LAMA2: variants seen among roughly 807,000 people sequenced by gnomAD.
LAMA2 encodes laminin subunit alpha 2, also known as laminin subunit alpha-2.
A neutral mutation model predicts 364.8 loss-of-function variants in LAMA2; 269 were observed. That is an observed-to-expected ratio of 0.74 (90% confidence interval 0.67 to 0.82). LAMA2 has a LOEUF of 0.82. LAMA2 is among the 40% of genes least tolerant of loss of function. The pLI, the probability that LAMA2 is intolerant of heterozygous loss-of-function variation, is 0.00. For missense variants in LAMA2, 3,807 were observed against 3,873.2 expected, an observed-to-expected ratio of 0.98 and a Z score of 0.45; for synonymous variants, 1,379 against 1,370.6, an observed-to-expected ratio of 1.01 and a Z score of -0.14.
Position 129,270,695 on chromosome 6 carries a change from A to G in LAMA2, c.2394A>G (p.Lys798=), listed in dbSNP as rs1787870404. ...CTGGTTTCTATGGCGAGCCTACTAA[A>G]GGAACCTCTGAAGACTGTCAACCCT... ...CLPGFYGEPT[K]GTSEDCQPCA... is the part of the protein sequence containing the mutation. The change falls in exon 17 of 65, where the codon AAA becomes AAG. Residue 798 remains lysine, a synonymous_variant. Coordinates refer to ENST00000421865, the MANE Select transcript of LAMA2 (RefSeq NM_000426.4). 3 of 1,613,144 alleles carry G rather than the reference A, an allele frequency of 1.9e-6. No homozygotes were observed. The highest frequency in any genetic ancestry group is 2.5e-6 in the Non-Finnish European group (3 of 1,179,490).
chr6:129,004,406 TAAAAAAAAAAAAAA>T (rs61244248), intron 1 of LAMA2, among the ~76,000 whole-genome samples: 2 of 53,766 alleles, frequency 3.7e-5, no homozygotes, highest in East Asian at 6.1e-4. Flanking sequence ...AGTATAATAA[TAAAAAAAAAAAAAA>T]AAAAAAAAAA....
intron 12 of LAMA2, among the ~76,000 whole-genome samples, chr6:129,207,093 C>T (rs960465193): frequency 1.4e-4 from 21 of 152,300 alleles, no homozygotes; most frequent in African/African-American, 4.8e-4. Flanking sequence ...GTGACAGCCA[C>T]AGGAGCAGAG....
intron 32 of LAMA2, among the ~76,000 whole-genome samples, chr6:129,359,359 G>A (rs369302757): frequency 4.0e-5 from 6 of 150,418 alleles, no homozygotes; most frequent in Non-Finnish European, 8.9e-5. Flanking sequence ...ATCGTTACTT[G>A]GTATGTCGAC....
chr6:129,190,068 A>T, intron 10 of LAMA2, 137 bp from the exon 11 acceptor site: 1 of 867,778 alleles, frequency 1.2e-6, no homozygotes. Context: ...CAGATTTTTA[A>T]AAATATCATT....
chr6:129,005,920 G>A (rs1038249680), intron 1 of LAMA2, among the ~76,000 whole-genome samples: 1 of 150,888 alleles, frequency 6.6e-6, no homozygotes, highest in Non-Finnish European at 1.5e-5. Flanking sequence ...TTTTTGTTTG[G>A]GTAATTAATA....
At chr6:129,376,938 A>G (rs1483094599) in intron 34 of LAMA2, among the ~76,000 whole-genome samples, 3 of 152,200 alleles carry the variant, frequency 2.0e-5, no homozygotes, top group Non-Finnish European at 4.4e-5. Flanking sequence ...CCAATATTGT[A>G]CACATAATAG....
chr6:129,404,019 T>C lies in LAMA2; in HGVS notation c.5865+60T>C, dbSNP rs112684263. 1.5e-3 allele frequency: 2,325 copies of C among 1,580,826 alleles called. 4 individuals carry two copies. The highest frequency in any genetic ancestry group is 5.9e-3 in the Middle Eastern group (35 of 5,922). Reference sequence around the variant, plus strand: ...AGTCAACCTTTTTGAATTTTTCAAATGTAAGTCAGTCTGGAAAATCCCAGT... The same window carrying C: ...AGTCAACCTTTTTGAATTTTTCAAACGTAAGTCAGTCTGGAAAATCCCAGT... On this transcript the variant is annotated intron_variant, in intron 40 of 64. Coordinates refer to ENST00000421865, the MANE Select transcript of LAMA2 (RefSeq NM_000426.4).
At chr6:129,384,563 C>G (rs1562514109) in intron 35 of LAMA2, among the ~76,000 whole-genome samples, 2 of 152,178 alleles carry the variant, frequency 1.3e-5, no homozygotes, top group Admixed American at 6.6e-5. Flanking sequence ...CCTTCCATCT[C>G]CCACCAAAGA....
intron 41 of LAMA2, among the ~76,000 whole-genome samples, chr6:129,438,436 A>G (rs1231321111): frequency 6.6e-6 from 1 of 151,992 alleles, no homozygotes; most frequent in Non-Finnish European, 1.5e-5. Flanking sequence ...ATTGTTCAAC[A>G]TGTAGAAGCA....
intron 4 of LAMA2, among the ~76,000 whole-genome samples, chr6:129,128,656 C>A (rs906005621): frequency 2.6e-5 from 4 of 152,140 alleles, no homozygotes; most frequent in African/African-American, 7.2e-5. Flanking sequence ...TTTATTCATG[C>A]CTTCTTCAAT....
At chr6:129,183,946 G>A (rs1004521400) in intron 10 of LAMA2, among the ~76,000 whole-genome samples, 1 of 151,884 alleles carries the variant, frequency 6.6e-6, no homozygotes, top group Non-Finnish European at 1.5e-5. Flanking sequence ...AGCTTTGACA[G>A]TCATTTAGCC....
At position 128,962,139 on chromosome 6, in the gene LAMA2, CATATATATATATATATATATAT is replaced by C. The variant is rs55906092; in HGVS notation, c.112+78808_112+78829del. Among the ~76,000 whole-genome samples the C allele has an allele frequency of 3.5e-3, 135 of 38,102 alleles. 4 individuals carry two copies. The highest frequency in any genetic ancestry group is 7.2e-3 in the African/African-American group (85 of 11,880). 25.0% of individuals were successfully genotyped at this position (38,102 alleles called of 152,430 possible). A position where few individuals can be genotyped will look rare whatever the true frequency, so the allele number is the denominator to read the frequency against. On this transcript the variant is annotated intron_variant, in intron 1 of 64. Coordinates refer to ENST00000421865, the MANE Select transcript of LAMA2 (RefSeq NM_000426.4). ...TCTTTTCTGATGTCATCCTCTGGACCATATATATATATATATATATATATATATATATATATATATATATATA... is the reference window on the plus strand; with the variant it reads ...TCTTTTCTGATGTCATCCTCTGGACCATATATATATATATATATATATATA...
intron 12 of LAMA2, among the ~76,000 whole-genome samples, chr6:129,195,737 G>A (rs1478100730): frequency 6.6e-6 from 1 of 152,154 alleles, no homozygotes; most frequent in East Asian, 1.9e-4. Context: ...TTGGTTTTAG[G>A]GCATTTGTTT....
chr6:129,077,615 TG>T (rs1320858175), intron 3 of LAMA2, among the ~76,000 whole-genome samples: 121 of 152,332 alleles, frequency 7.9e-4, no homozygotes, highest in African/African-American at 2.8e-3. Context: ...GATATAAAGT[TG>T]TTTTATTTTG....
At chr6:129,490,183 TTAAG>T (rs2114855783) in intron 56 of LAMA2, among the ~76,000 whole-genome samples, 1 of 152,346 alleles carries the variant, frequency 6.6e-6, no homozygotes, top group Non-Finnish European at 1.5e-5. Flanking sequence ...AATGCCCTTT[TTAAG>T]TAATACAGCC....
intron 61 of LAMA2, among the ~76,000 whole-genome samples, chr6:129,506,476 T>A (rs969188672): frequency 2.0e-5 from 3 of 152,114 alleles, no homozygotes; most frequent in Admixed American, 2.0e-4. Flanking sequence ...GCATAGAGAT[T>A]TAGCAAATAT....
intron 37 of LAMA2, among the ~76,000 whole-genome samples, chr6:129,400,508 C>A (rs1321109926): frequency 6.6e-6 from 1 of 152,064 alleles, no homozygotes; most frequent in Admixed American, 6.5e-5. Flanking sequence ...GCAGTTAAAT[C>A]TGTAGGTAGA....
chr6:129,290,792 C>T (rs1417463234), intron 19 of LAMA2, among the ~76,000 whole-genome samples: 1 of 152,086 alleles, frequency 6.6e-6, no homozygotes, highest in Non-Finnish European at 1.5e-5. Context: ...AGAATAACCT[C>T]AGACAGCTTT....
intron 37 of LAMA2, among the ~76,000 whole-genome samples, chr6:129,400,630 T>C (rs919206249): frequency 6.6e-6 from 1 of 152,206 alleles, no homozygotes; most frequent in African/African-American, 2.4e-5. Context: ...TTTACTCTTC[T>C]AGGCCAGGAT....
Sources: allele counts gnomAD v4.1 joint callset (sites outside exome capture counted in the v4.1 genomes callset), GRCh38; gene constraint gnomAD v4.1.1; transcripts MANE v1.5; gene names NCBI Gene and HGNC (gene_info 2026-07-23, HGNC 2026-07-21).